Variants in NPAS3 observed in about 807,000 individuals in gnomAD.
NPAS3 encodes neuronal PAS domain protein 3.
NPAS3 carries 14 observed loss-of-function variants against 73.1 expected under a neutral mutation model. The observed-to-expected ratio is 0.19, with a 90% CI of 0.13 to 0.30. The LOEUF (loss-of-function observed/expected upper bound fraction) is 0.30, where lower values mean the gene tolerates loss of function less well. Ranked by LOEUF, NPAS3 falls within the 10% of genes least tolerant of loss-of-function variation. The pLI is 1.00. For missense variants in NPAS3, 1,096 were observed against 1,250.0 expected (o/e 0.88, Z 1.86); for synonymous variants, 620 against 541.5 (o/e 1.14, Z -2.01).
chr14:33,276,587 G>C (rs1490636212), intron 3 of NPAS3, among the ~76,000 whole-genome samples: 4 of 152,064 alleles, frequency 2.6e-5, no homozygotes, highest in Non-Finnish European at 5.9e-5. Flanking sequence ...CTAACTCTGA[G>C]ATCCTAAATA....
At chr14:33,154,006 A>C (rs2044556081) in intron 2 of NPAS3, among the ~76,000 whole-genome samples, 1 of 152,198 alleles carries the variant, frequency 6.6e-6, no homozygotes, top group African/African-American at 2.4e-5. Flanking sequence ...AGAAGGGAGC[A>C]TTCAGTGTGG....
chr14:33,784,707 T>A (rs2063087381), intron 9 of NPAS3, among the ~76,000 whole-genome samples: 1 of 146,600 alleles, frequency 6.8e-6, no homozygotes. Context: ...GCTGCTTTTA[T>A]TTTTTATTGT....
At chr14:33,451,283 T>C (rs2049779796) in intron 4 of NPAS3, among the ~76,000 whole-genome samples, 1 of 152,138 alleles carries the variant, frequency 6.6e-6, no homozygotes, top group South Asian at 2.1e-4. Context: ...TACGGTACAG[T>C]GGTTAAAAAG....
chr14:33,627,441 A>T (rs2058253278), intron 5 of NPAS3, among the ~76,000 whole-genome samples: 1 of 152,182 alleles, frequency 6.6e-6, no homozygotes, highest in Admixed American at 6.5e-5. Context: ...AAAAAAAATT[A>T]GACTTTAAGT....
At chr14:33,616,530 C>T (rs1036408075) in intron 5 of NPAS3, among the ~76,000 whole-genome samples, 1 of 152,130 alleles carries the variant, frequency 6.6e-6, no homozygotes, top group Admixed American at 6.5e-5. Flanking sequence ...TTTCCCTGTT[C>T]TTCCTGACCT....
chr14:33,513,275 A>G (rs544510225), intron 4 of NPAS3, among the ~76,000 whole-genome samples: 3 of 152,162 alleles, frequency 2.0e-5, no homozygotes, highest in African/African-American at 7.2e-5. Flanking sequence ...ATTCTAATGA[A>G]CATATATATT....
chr14:33,336,393 G>A (rs1161948800), intron 3 of NPAS3, among the ~76,000 whole-genome samples: 1 of 152,202 alleles, frequency 6.6e-6, no homozygotes, highest in Non-Finnish European at 1.5e-5. Flanking sequence ...TTGTAGGACA[G>A]AAGTCTCCAT....
At chr14:33,332,814 C>A (rs2044045984) in intron 3 of NPAS3, among the ~76,000 whole-genome samples, 2 of 152,146 alleles carry the variant, frequency 1.3e-5, no homozygotes, top group African/African-American at 4.8e-5. Context: ...CTAACTGGCT[C>A]CTGAACTATG....
chr14:33,800,517 C>A lies in NPAS3; in HGVS notation c.2210C>A (p.Ala737Glu), dbSNP rs1211665781. The A allele has an allele frequency of 2.1e-5, 29 of 1,392,642 alleles. 1 individual carries two copies. The highest frequency in any genetic ancestry group is 6.2e-5 in the African/African-American group (4 of 65,038). The allele number at this position is 1,392,642 out of a possible 1,614,324, so 86.3% of individuals were successfully genotyped here. The change falls in exon 12 of 12, where the codon GCG (alanine) becomes GAG (glutamate). Residue 737 changes from alanine to glutamate, a missense_variant. By Grantham distance (107) the Ala-to-Glu change is moderately radical. Coordinates refer to ENST00000356141, the Ensembl canonical transcript of NPAS3. This position sits in a 1 kb window ranked among gnomAD's most constrained non-coding sequence, Gnocchi z 6.5. Reference sequence around the variant, plus strand: ...ACTCAGTTCGGCGCCTCGGCCACCGCGGCCCTGGCCCCCGTCGCCTCCGAC... The same window carrying A: ...ACTCAGTTCGGCGCCTCGGCCACCGAGGCCCTGGCCCCCGTCGCCTCCGAC...
At chr14:33,542,983 G>T (rs1412916198) in intron 4 of NPAS3, among the ~76,000 whole-genome samples, 4 of 152,206 alleles carry the variant, frequency 2.6e-5, no homozygotes, top group African/African-American at 9.6e-5. Context: ...TTTAGCATCA[G>T]GTGTTTTCTT....
At chr14:33,393,173 A>G (rs1347086671) in intron 4 of NPAS3, among the ~76,000 whole-genome samples, 5 of 152,202 alleles carry the variant, frequency 3.3e-5, no homozygotes, top group Non-Finnish European at 5.9e-5. Context: ...ATGGCTAATT[A>G]GCAGGATAAT....
intron 2 of NPAS3, among the ~76,000 whole-genome samples, chr14:33,061,800 T>TA (rs1307799828): frequency 7.9e-5 from 12 of 152,140 alleles, no homozygotes; most frequent in Non-Finnish European, 1.6e-4. Context: ...GAGATATCAA[T>TA]AAGTAATTGA....
intron 3 of NPAS3, among the ~76,000 whole-genome samples, chr14:33,293,234 T>C (rs1594618662): frequency 6.6e-6 from 1 of 152,254 alleles, no homozygotes; most frequent in African/African-American, 2.4e-5. Context: ...TGGAGTCGAA[T>C]TGACTAGGAA....
intron 2 of NPAS3, among the ~76,000 whole-genome samples, chr14:33,183,865 C>T (rs1051229721): frequency 6.6e-6 from 1 of 152,142 alleles, no homozygotes; most frequent in Non-Finnish European, 1.5e-5. Flanking sequence ...TATTCATGTG[C>T]CCCATAAATT....
At chr14:33,654,408 A>C (rs1367581009) in intron 5 of NPAS3, among the ~76,000 whole-genome samples, 2 of 152,168 alleles carry the variant, frequency 1.3e-5, no homozygotes, top group Non-Finnish European at 2.9e-5. Flanking sequence ...AGTGTTAACA[A>C]AGTCTTTCCA....
chr14:33,501,493 A>G lies in NPAS3; in HGVS notation c.469-58628A>G, dbSNP rs148740487. ...TAAATATTGGCCACTCTCCTTCACA[A>G]CAATAATACACAACAAAGTAACATG... On this transcript the variant is annotated intron_variant, in intron 4 of 11. Transcript: ENST00000356141. 2.3e-3 allele frequency among the ~76,000 whole-genome samples: 343 copies of G among 151,974 alleles called. 1 individual carries two copies. Among genetic ancestry groups the G allele is most frequent in the African/African-American group, 8.0e-3 (332 of 41,492 alleles).
At chr14:33,405,965 G>A (rs867456663) in intron 4 of NPAS3, among the ~76,000 whole-genome samples, 1 of 151,908 alleles carries the variant, frequency 6.6e-6, no homozygotes, top group Non-Finnish European at 1.5e-5. Flanking sequence ...GGAAAAAAGC[G>A]GTTAAATTTT....
chr14:32,999,834 T>A (rs1187830535), intron 1 of NPAS3, among the ~76,000 whole-genome samples: 1 of 151,856 alleles, frequency 6.6e-6, no homozygotes. Flanking sequence ...TAATAAAAAA[T>A]ATCCTGAATA....
At chr14:33,331,017 T>C (rs2043959423) in intron 3 of NPAS3, among the ~76,000 whole-genome samples, 1 of 152,176 alleles carries the variant, frequency 6.6e-6, no homozygotes, top group Non-Finnish European at 1.5e-5. Context: ...ACTTGGGTGA[T>C]TTAGTGTGAA....
Sources: allele counts gnomAD v4.1 joint callset (sites outside exome capture counted in the v4.1 genomes callset), GRCh38; gene constraint gnomAD v4.1.1; non-coding constraint Gnocchi (gnomAD v3.1); transcripts MANE v1.5; gene names NCBI Gene and HGNC (gene_info 2026-07-23, HGNC 2026-07-21).